The following AMER3 variants were observed in gnomAD, a reference collection of about 807,000 sequenced individuals.
AMER3 encodes the protein APC membrane recruitment protein 3.
For missense variants in AMER3, 1,201 were observed against 1,139.4 expected, an observed-to-expected ratio of 1.05 and a Z score of -0.78; for synonymous variants, 541 against 485.5, an observed-to-expected ratio of 1.11 and a Z score of -1.50.
In AMER3 at chr2:130,762,571, C is replaced by G; in HGVS notation, c.499C>G (p.Arg167Gly). 6.2e-7 allele frequency: 1 copy of G among 1,613,380 alleles called. No individual in the cohort carries two copies. Among genetic ancestry groups the G allele is most frequent in the South Asian group, 1.1e-5 (1 of 91,080 alleles). Residue 167 changes from arginine to glycine, a missense_variant, in exon 2 of 2, where the codon CGG becomes GGG. Arg to Gly is a moderately radical substitution (Grantham distance 125, BLOSUM62 -2). Coordinates refer to ENST00000321420, the MANE Select transcript of AMER3 (RefSeq NM_152698.3). Reference sequence around the variant, plus strand: ...GTGCTTTCGGAACCTATTCCACATTCGGAGAAACAAGACTGAGGACTTGGC... The same window carrying G: ...GTGCTTTCGGAACCTATTCCACATTGGGAGAAACAAGACTGAGGACTTGGC... ...KKCFRNLFHI[R>G]RNKTEDLASL... is the part of the protein sequence containing the mutation.
In AMER3 at chr2:130,764,376, C is replaced by G; in HGVS notation, c.2304C>G (p.Ala768=). 6.2e-7 allele frequency: 1 copy of G among 1,612,816 alleles called. No homozygotes were observed. The highest frequency in any genetic ancestry group is 8.5e-7 in the Non-Finnish European group (1 of 1,179,694). ...CCGGGCTAGGTGTCCAGGCCTGGGC[C>G]TCTGTGGAGGACCAGCCCTTGCAGC... is the stretch of plus-strand genomic sequence containing the variant. ...EPTGLGVQAW[A]SVEDQPLQLS... The change falls in exon 2 of 2, where the codon GCC becomes GCG. Residue 768 remains alanine, a synonymous_variant. Coordinates refer to ENST00000321420, the MANE Select transcript of AMER3 (RefSeq NM_152698.3).
rs754027088 is a variant in AMER3, at chr2:130,762,193, C to T, written c.121C>T (p.Pro41Ser). The T allele has an allele frequency of 3.1e-6, 5 of 1,593,498 alleles. No individual in the cohort carries two copies. The highest frequency in any genetic ancestry group is 3.4e-6 in the Non-Finnish European group (4 of 1,170,362). ...GGGGACAGGCCCCTGGTCAGTCCTT[C>T]CAGGAGGGCAACAGAGGCCCCACAG... ...REGTGPWSVLPGGQQRPHSEK... is the reference protein window; with the variant it reads ...REGTGPWSVLSGGQQRPHSEK... Residue 41 changes from proline (P) to serine (S), a missense_variant, in exon 2 of 2, where the codon CCA becomes TCA. By Grantham distance (74) the Pro-to-Ser change is moderately conservative. Coordinates refer to ENST00000321420, the MANE Select transcript of AMER3 (RefSeq NM_152698.3).
In AMER3 at chr2:130,765,569, G is replaced by A. The variant is rs145033686; in HGVS notation, c.*911G>A. ...CTTCATTTATTGAGGAAGTTTTGAC[G>A]TTTTTATACACACGCACAATGCTTA... On this transcript the variant is annotated 3_prime_UTR_variant, in exon 2 of 2. Coordinates refer to ENST00000321420, the MANE Select transcript of AMER3 (RefSeq NM_152698.3). 542 of 167,102 alleles carry A rather than the reference G, an allele frequency of 3.2e-3. 5 individuals are homozygous for A. The highest frequency in any genetic ancestry group is 0.017 in the South Asian group (84 of 4,824). 10.4% of individuals were successfully genotyped at this position (167,102 alleles called of 1,614,324 possible).
chr2:130,761,078 A>AT (rs1344306110), intron 1 of AMER3, among the ~76,000 whole-genome samples: 3 of 151,400 alleles, frequency 2.0e-5, no homozygotes, highest in Admixed American at 2.0e-4. Flanking sequence ...CTCACAATTC[A>AT]TTTTTTCTGT....
At chr2:130,760,582 A>G (rs1481356408) in intron 1 of AMER3, among the ~76,000 whole-genome samples, 1 of 152,170 alleles carries the variant, frequency 6.6e-6, no homozygotes, top group East Asian at 1.9e-4. Flanking sequence ...GGAGAGGCGA[A>G]GGAGCCAGCC....
rs758671636 is a variant in AMER3, at chr2:130,762,624, G to A, written c.552G>A (p.Leu184=). ...LASLAAEGKS[L]PSPGDPSDPG... is the part of the protein sequence containing the mutation. ...CGCTGGCGGCCGAGGGGAAAAGCCT[G>A]CCCTCCCCAGGGGACCCGTCAGACC... is the stretch of plus-strand genomic sequence containing the variant. Residue 184 remains leucine, a synonymous_variant, in exon 2 of 2, where the codon CTG becomes CTA. Transcript: ENST00000321420. 16 of 1,612,040 alleles carry A rather than the reference G, an allele frequency of 9.9e-6. No homozygotes were observed. The highest frequency in any genetic ancestry group is 1.7e-5 in the Admixed American group (1 of 60,008).
chr2:130,763,862 G>C lies in AMER3; in HGVS notation c.1790G>C (p.Arg597Thr), dbSNP rs1364954978. 6.2e-7 allele frequency: 1 copy of C among 1,613,458 alleles called. No homozygotes were observed. Among genetic ancestry groups the C allele is most frequent in the Admixed American group, 1.7e-5 (1 of 60,036 alleles). Residue 597 changes from arginine to threonine, a missense_variant, in exon 2 of 2, where the codon AGG becomes ACG. Coordinates refer to ENST00000321420, the MANE Select transcript of AMER3 (RefSeq NM_152698.3). ...GATQGTGTLS[R>T]DASREEETRG... is the part of the protein sequence containing the mutation. The stretch of plus-strand genomic sequence containing the variant: ...ACACAAGGGACTGGCACACTGTCCA[G>C]GGATGCCTCTCGAGAGGAAGAGACA...
Position 130,768,133 on chromosome 2 carries a change from G to A in AMER3, c.*3475G>A, listed in dbSNP as rs1430797227. The A allele has an allele frequency of 6.0e-6, 1 of 167,144 alleles. No homozygotes were observed. The highest frequency in any genetic ancestry group is 1.5e-5 in the Non-Finnish European group (1 of 68,210). 10.4% of individuals were successfully genotyped at this position (167,144 alleles called of 1,614,324 possible). On this transcript the variant is annotated 3_prime_UTR_variant, in exon 2 of 2. Coordinates refer to ENST00000321420, the MANE Select transcript of AMER3 (RefSeq NM_152698.3). ...TGTTGAAAGAATGAAGTGTCAAAAG[G>A]TTGTGCGTGCTTTTCTGATTTCTTG... is the stretch of plus-strand genomic sequence containing the variant.
intron 1 of AMER3, among the ~76,000 whole-genome samples, chr2:130,756,045 C>A (rs1000215190): frequency 4.1e-4 from 62 of 152,112 alleles, no homozygotes; most frequent in African/African-American, 1.5e-3. Flanking sequence ...CGGGGCGATA[C>A]GAACAGACAA....
rs574165301 is a variant in AMER3, at chr2:130,756,070, C to A, written c.-20+396C>A. Among the ~76,000 whole-genome samples the A allele has an allele frequency of 5.4e-5, 8 of 149,410 alleles. No homozygotes were observed. The East Asian group carries it at 1.6e-3, about 29-fold the overall frequency. On this transcript the variant is annotated intron_variant, in intron 1 of 1. Coordinates refer to ENST00000321420, the MANE Select transcript of AMER3 (RefSeq NM_152698.3). ...CGAACAGACAAAGCCGGCTCGAGCG[C>A]GGCCCGAGCGGCGGCGCAGGGAGGC...
chr2:130,756,325 C>T (rs1226364352), intron 1 of AMER3: 1 of 150,732 alleles, frequency 6.6e-6, no homozygotes, highest in South Asian at 2.1e-4. Context: ...GCTCGCGCTC[C>T]GACGCGGTGC....
rs545120643 is a variant in AMER3 at position 130,764,693 on chromosome 2, T to C, written c.*35T>C. ...ACATGCACCAGGAACTGCATGTGTC[T>C]TCATGACCACTTTCAGGAGAGCCTA... On this transcript the variant is annotated 3_prime_UTR_variant, in exon 2 of 2. Transcript: ENST00000321420. 6.5e-7 allele frequency: 1 copy of C among 1,539,958 alleles called. No homozygotes were observed. Among genetic ancestry groups the C allele is most frequent in the Non-Finnish European group, 8.7e-7 (1 of 1,145,886 alleles).
intron 1 of AMER3, 100 bp downstream of exon 1, chr2:130,755,774 G>A: frequency 6.6e-6 from 1 of 152,492 alleles, no homozygotes; most frequent in Non-Finnish European, 1.5e-5. Flanking sequence ...AGCCTGGCCT[G>A]CCCCTTCTTG....
Position 130,764,053 on chromosome 2 carries a change from G to C in AMER3, c.1981G>C (p.Gly661Arg). Residue 661 changes from glycine to arginine, a missense_variant, in exon 2 of 2, where the codon GGT becomes CGT. Gly to Arg is a moderately radical substitution (Grantham distance 125). Transcript: ENST00000321420. Reference sequence around the variant, plus strand: ...GTGTTTCCGAGGCCCCTGGAGGCCAGGTCACGGAGGTGACACTCTGGATGC... The same window carrying C: ...GTGTTTCCGAGGCCCCTGGAGGCCACGTCACGGAGGTGACACTCTGGATGC... ...LGCFRGPWRP[G>R]HGGDTLDAEP... 1 of 1,612,454 alleles carries C rather than the reference G, an allele frequency of 6.2e-7. No homozygotes were observed. The highest frequency in any genetic ancestry group is 1.1e-5 in the South Asian group (1 of 90,850).
In AMER3 at chr2:130,763,563, G is replaced by C; in HGVS notation, c.1491G>C (p.Leu497=). The C allele has an allele frequency of 6.2e-7, 1 of 1,612,194 alleles. No individual in the cohort carries two copies. The highest frequency in any genetic ancestry group is 8.5e-7 in the Non-Finnish European group (1 of 1,179,814). ...SWKGKECLLK[L]CDTELAITMG... ...AGGGCAAGGAGTGCCTGCTGAAGCT[G>C]TGTGACACTGAGCTCGCCATCACCA... The change falls in exon 2 of 2, where the codon CTG becomes CTC. Residue 497 remains leucine, a synonymous_variant. Transcript: ENST00000321420.
At chr2:130,759,141 C>T (rs1303082403) in intron 1 of AMER3, among the ~76,000 whole-genome samples, 3 of 152,208 alleles carry the variant, frequency 2.0e-5, no homozygotes, top group African/African-American at 4.8e-5. Flanking sequence ...TATTGCTAAG[C>T]CTCTGGTTCC....
In AMER3 at chr2:130,766,914, C is replaced by T. The variant is rs1020350398; in HGVS notation, c.*2256C>T. The T allele has an allele frequency of 6.0e-6, 1 of 167,072 alleles. No homozygotes were observed. The highest frequency in any genetic ancestry group is 2.4e-5 in the African/African-American group (1 of 41,452). 10.3% of individuals were successfully genotyped at this position (167,072 alleles called of 1,614,324 possible). A position where few individuals can be genotyped will look rare whatever the true frequency, so the allele number is the denominator to read the frequency against. Reference sequence around the variant, plus strand: ...ACAAACAATGATTTCCCTCCGCTTGCACTCTCTAACTAGAGCCATGGATGG... The same window carrying T: ...ACAAACAATGATTTCCCTCCGCTTGTACTCTCTAACTAGAGCCATGGATGG... On this transcript the variant is annotated 3_prime_UTR_variant, in exon 2 of 2. Coordinates refer to ENST00000321420, the MANE Select transcript of AMER3 (RefSeq NM_152698.3).
chr2:130,761,980 G>C, intron 1 of AMER3, 74 bp from the exon 2 acceptor site: 2 of 1,364,660 alleles, frequency 1.5e-6, no homozygotes, highest in East Asian at 2.5e-5. Context: ...CTGTGTGAGA[G>C]GGGTAGGCAG....
At chr2:130,759,369 T>G (rs1220396498) in intron 1 of AMER3, among the ~76,000 whole-genome samples, 2 of 152,260 alleles carry the variant, frequency 1.3e-5, no homozygotes, top group African/African-American at 4.8e-5. Flanking sequence ...ACTGGTAGTT[T>G]TATTTATAGA....
Sources: gnomAD v4.1 joint callset for allele counts (sites outside exome capture counted in the v4.1 genomes callset) on GRCh38, gnomAD v4.1.1 for gene constraint, MANE v1.5 for transcripts, NCBI Gene and HGNC (gene_info 2026-07-23, HGNC 2026-07-21) for gene names.